The following PSD4 variants were observed in gnomAD, a reference collection of about 807,000 sequenced individuals.
PSD4 encodes the protein pleckstrin and Sec7 domain containing 4.
PSD4 carries 59 observed loss-of-function variants against 112.5 expected under a neutral mutation model. The observed-to-expected ratio is 0.52, with a 90% CI of 0.43 to 0.65. PSD4 has a LOEUF of 0.65. PSD4 is among the 30% of genes least tolerant of loss of function. PSD4 has a pLI of 0.00. For missense variants in PSD4, 1,267 were observed against 1,352.6 expected, an observed-to-expected ratio of 0.94 and a Z score of 0.99; for synonymous variants, 533 against 540.0, an observed-to-expected ratio of 0.99 and a Z score of 0.18.
At position 113,193,931 on chromosome 2, in the gene PSD4, C is replaced by T. The variant is rs745588455; in HGVS notation, c.2164C>T (p.Pro722Ser). The T allele has an allele frequency of 1.2e-6, 2 of 1,614,114 alleles. No individual in the cohort carries two copies. Among genetic ancestry groups the T allele is most frequent in the South Asian group, 2.2e-5 (2 of 91,092 alleles). The change falls in exon 10 of 17, where the codon CCC becomes TCC. Residue 722 changes from proline (P) to serine (S), a missense_variant. Physicochemically the swap from Pro to Ser is moderately conservative, Grantham distance 74 (BLOSUM62 -1). Around this residue, in one of 2 missense-constraint regions of PSD4, gnomAD observed 544 missense variants for 648.6 expected, o/e 0.84. Coordinates refer to ENST00000245796, the MANE Select transcript of PSD4 (RefSeq NM_012455.3). The part of the protein sequence containing the change: ...LNGLRDGGNF[P>S]KELLKALYWS... ...TGGGCTGAGGGATGGCGGGAACTTC[C>T]CCAAGGAGCTGCTGAAGGTATGTGC...
In PSD4 at chr2:113,185,407, T is replaced by C; in HGVS notation, c.1216T>C (p.Trp406Arg). The C allele has an allele frequency of 6.2e-7, 1 of 1,614,182 alleles. No individual in the cohort carries two copies. Among genetic ancestry groups the C allele is most frequent in the Middle Eastern group, 1.6e-4 (1 of 6,062 alleles). Residue 406 changes from tryptophan (W) to arginine (R), a missense_variant, in exon 4 of 17, where the codon TGG (tryptophan) becomes CGG (arginine). By Grantham distance (101) the Trp-to-Arg change is moderately radical (BLOSUM62 -3). Transcript: ENST00000245796. ...PEGWQRGGPF[W>R]PQVTLNSQDR... Reference sequence around the variant, plus strand: ...GGGCTGGCAGAGAGGAGGTCCTTTTTGGCCCCAGGTGACTCTTAACTCCCA... The same window carrying C: ...GGGCTGGCAGAGAGGAGGTCCTTTTCGGCCCCAGGTGACTCTTAACTCCCA...
rs768126233 is a variant in PSD4, at chr2:113,184,991, C to T, written c.1091C>T (p.Pro364Leu). 2.2e-5 allele frequency: 35 copies of T among 1,614,118 alleles called. No individual in the cohort carries two copies. Among genetic ancestry groups the T allele is most frequent in the Non-Finnish European group, 2.5e-5 (30 of 1,180,040 alleles). ...CTTGGTCCTGCTCCATCTGCAGCAC[C>T]GTGTGTGGACGAAGCATTGACCTGG... is the stretch of plus-strand genomic sequence containing the variant. Reference protein sequence around the residue: ...DRLGPAPSAAPCVDEALTWES... With the variant: ...DRLGPAPSAALCVDEALTWES... Residue 364 changes from proline (P) to leucine (L), a missense_variant, in exon 3 of 17, where the codon CCG becomes CTG. By Grantham distance (98) the Pro-to-Leu change is moderately conservative. This residue lies in a region of PSD4 where 723 missense variants were observed against 704.0 expected (regional missense o/e 1.03). Coordinates refer to ENST00000245796, the MANE Select transcript of PSD4 (RefSeq NM_012455.3).
intron 6 of PSD4, 66 bp downstream of exon 6, chr2:113,192,655 T>C (rs1379535607): frequency 1.3e-6 from 2 of 1,530,294 alleles, no homozygotes; most frequent in African/African-American, 1.4e-5. Context: ...GCTGAAGGGC[T>C]CCCTCCACTG....
chr2:113,192,395 A>T lies in PSD4; in HGVS notation c.1644A>T (p.Thr548=), dbSNP rs1688467167. 1.9e-6 allele frequency: 3 copies of T among 1,614,044 alleles called. No homozygotes were observed. The highest frequency in any genetic ancestry group is 2.5e-6 in the Non-Finnish European group (3 of 1,179,998). The change falls in exon 6 of 17, where the codon ACA becomes ACT. Residue 548 remains threonine, a synonymous_variant. Transcript: ENST00000245796. ...LTSAEHENLR[T]PMNSSWLPGS... Reference sequence around the variant, plus strand: ...CTATCTCAAGTGAGAATCTGAGGACACCGATGAACTCTTCTTGGCTTCCTG... The same window carrying T: ...CTATCTCAAGTGAGAATCTGAGGACTCCGATGAACTCTTCTTGGCTTCCTG...
intron 5 of PSD4, among the ~76,000 whole-genome samples, chr2:113,186,626 A>G (rs1688308076): frequency 6.6e-6 from 1 of 152,208 alleles, no homozygotes; most frequent in African/African-American, 2.4e-5. Context: ...GGGAAGTGCA[A>G]GGTCAGAGCT....
chr2:113,193,758 G>GT (rs1688523134), intron 9 of PSD4, 101 bp from the exon 10 acceptor site: 1 of 1,554,752 alleles, frequency 6.4e-7, no homozygotes, highest in African/African-American at 1.4e-5. Context: ...TGAGGGATGT[G>GT]GGCCTGGGGA....
chr2:113,195,309 C>T (rs1280140657), intron 10 of PSD4, among the ~76,000 whole-genome samples: 2 of 152,014 alleles, frequency 1.3e-5, no homozygotes, highest in Non-Finnish European at 2.9e-5. Flanking sequence ...TACAGGTGTG[C>T]ACCACCACGC....
Position 113,186,069 on chromosome 2 carries a change from C to A in PSD4, c.1442C>A (p.Pro481His). The A allele has an allele frequency of 2.5e-6, 4 of 1,614,190 alleles. No homozygotes were observed. The highest frequency in any genetic ancestry group is 3.4e-6 in the Non-Finnish European group (4 of 1,180,042). ...QLQHHSSGILPKWTLDASQSS... is the reference protein window; with the variant it reads ...QLQHHSSGILHKWTLDASQSS... The stretch of plus-strand genomic sequence containing the variant: ...CAACACCACAGCTCAGGCATTTTGC[C>A]CAAGTGGACACTAGATGCTTCACAG... Residue 481 changes from proline to histidine, a missense_variant, in exon 5 of 17, where the codon CCC (proline) becomes CAC (histidine). This residue lies in a region of PSD4 where 723 missense variants were observed against 704.0 expected (regional missense o/e 1.03). Transcript: ENST00000245796.
rs2104513761 is a variant in PSD4, at chr2:113,205,764, A to G, written c.*4349A>G. On this transcript the variant is annotated 3_prime_UTR_variant, in exon 17 of 17. Coordinates refer to ENST00000245796, the MANE Select transcript of PSD4 (RefSeq NM_012455.3). ...ATTATTTCAAAATAAATACAAAAAG[A>G]AAAAAAGGCAATATCCCAGAACCTT... 1 of 152,352 alleles carries G rather than the reference A, an allele frequency of 6.6e-6. No individual in the cohort carries two copies. Among genetic ancestry groups the G allele is most frequent in the South Asian group, 2.1e-4 (1 of 4,830 alleles). The allele number at this position is 152,352 out of a possible 1,614,324, so 9.4% of individuals were successfully genotyped here. A position where few individuals can be genotyped will look rare whatever the true frequency, so the allele number is the denominator to read the frequency against.
chr2:113,196,210 C>T lies in PSD4; in HGVS notation c.2289C>T (p.Ser763=). Residue 763 remains serine, a synonymous_variant, in exon 12 of 17, where the codon AGC becomes AGT. Coordinates refer to ENST00000245796, the MANE Select transcript of PSD4 (RefSeq NM_012455.3). ...CGTCCCTGCCAGCTGGCAAGATGAG[C>T]AAGCCCTTCCTTCAGCTGGCTCAGG... ...AQPSLPAGKM[S]KPFLQLAQDP... is the part of the protein sequence containing the mutation. 6.2e-7 allele frequency: 1 copy of T among 1,614,124 alleles called. No homozygotes were observed. Among genetic ancestry groups the T allele is most frequent in the Non-Finnish European group, 8.5e-7 (1 of 1,179,946 alleles).
At chr2:113,186,883 A>C (rs4849168) in intron 5 of PSD4, among the ~76,000 whole-genome samples, 68,951 of 151,998 alleles carry the variant, frequency 0.45, 15,914 homozygotes, top group East Asian at 0.62. Flanking sequence ...TCAAGACTAT[A>C]TGCCCCTGGG....
rs754608729 is a variant in PSD4, at chr2:113,192,578, C to T, written c.1827C>T (p.Tyr609=). The change falls in exon 6 of 17, where the codon TAC becomes TAT. Residue 609 remains tyrosine, a synonymous_variant. Transcript: ENST00000245796. ...EGFRKSEVAA[Y]LQKNNDFSRA... ...TCCGGAAGTCTGAAGTGGCTGCCTA[C>T]CTGCAGAAGAAGTAAGGGGCTTTGA... 5 of 1,614,068 alleles carry T rather than the reference C, an allele frequency of 3.1e-6. No individual in the cohort carries two copies. In the East Asian group the frequency reaches 1.1e-4, roughly 36 times the overall value.
At chr2:113,179,722 A>T (rs1192499575) in intron 1 of PSD4, among the ~76,000 whole-genome samples, 2 of 152,182 alleles carry the variant, frequency 1.3e-5, no homozygotes, top group Non-Finnish European at 2.9e-5. Context: ...TGGTTCAAAC[A>T]TCTCTGATGA....
In PSD4 at chr2:113,202,142, T is replaced by G. The variant is rs912655802; in HGVS notation, c.*727T>G. The G allele has an allele frequency of 7.3e-6, 1 of 137,048 alleles. No homozygotes were observed. The highest frequency in any genetic ancestry group is 2.7e-5 in the African/African-American group (1 of 37,460). The allele number at this position is 137,048 out of a possible 1,614,324, so 8.5% of individuals were successfully genotyped here. ...ACAGTCTCACATACCCAACTGCTCA[T>G]CAACAGAGCAGAGCTGATGGCATGA... On this transcript the variant is annotated 3_prime_UTR_variant, in exon 17 of 17. Transcript: ENST00000245796.
In PSD4 at chr2:113,199,190, G is replaced by A. The variant is rs1573379167; in HGVS notation, c.2877G>A (p.Glu959=). Residue 959 remains glutamate, a synonymous_variant, in exon 16 of 17, where the codon GAG becomes GAA. Coordinates refer to ENST00000245796, the MANE Select transcript of PSD4 (RefSeq NM_012455.3). ...PERRGRGREL[E]EHRLRKEYLE... ...GGCGGGGCCGTGGCCGCGAGCTGGA[G>A]GAGCACCGCCTGCGGAAGGAGTACC... The A allele has an allele frequency of 3.3e-6, 5 of 1,521,502 alleles. No individual in the cohort carries two copies. Among genetic ancestry groups the A allele is most frequent in the East Asian group, 2.7e-5 (1 of 37,580 alleles). The allele number at this position is 1,521,502 out of a possible 1,614,324, so 94.3% of individuals were successfully genotyped here.
intron 5 of PSD4, among the ~76,000 whole-genome samples, chr2:113,190,859 G>A (rs45536633): frequency 0.1 from 15,913 of 152,250 alleles, 948 homozygotes; most frequent in Non-Finnish European, 0.14. Flanking sequence ...TTAAATTTTA[G>A]GCATTGTGTT....
At chr2:113,175,888 A>G (rs2104488178) in intron 1 of PSD4, among the ~76,000 whole-genome samples, 1 of 152,370 alleles carries the variant, frequency 6.6e-6, no homozygotes, top group South Asian at 2.1e-4. Flanking sequence ...GGCCAGGCCC[A>G]GCACTCAGAC....
chr2:113,195,777 G>A lies in PSD4; in HGVS notation c.2225+7G>A, dbSNP rs775852871. Reference sequence around the variant, plus strand: ...AGAAGCTCGAGTGGGCCGTGTGAGTGAGACTCCCTTTCCCCTCTCCCTCTC... The same window carrying A: ...AGAAGCTCGAGTGGGCCGTGTGAGTAAGACTCCCTTTCCCCTCTCCCTCTC... On this transcript the variant is annotated splice_region_variant and intron_variant, in intron 11 of 16. Coordinates refer to ENST00000245796, the MANE Select transcript of PSD4 (RefSeq NM_012455.3). The A allele has an allele frequency of 3.1e-6, 5 of 1,614,154 alleles. No homozygotes were observed. Among genetic ancestry groups the A allele is most frequent in the African/African-American group, 1.3e-5 (1 of 75,038 alleles).
rs1688799841 is a variant in PSD4 at position 113,202,450 on chromosome 2, ACCTT to A, written c.*1043_*1046del. The A allele has an allele frequency of 6.6e-6, 1 of 152,358 alleles. No individual in the cohort carries two copies. Among genetic ancestry groups the A allele is most frequent in the South Asian group, 2.1e-4 (1 of 4,830 alleles). 9.4% of individuals were successfully genotyped at this position (152,358 alleles called of 1,614,324 possible). On this transcript the variant is annotated 3_prime_UTR_variant, in exon 17 of 17. Transcript: ENST00000245796. Reference sequence around the variant, plus strand: ...GTGCTCCTTTCTACACATGCCTTAAACCTTCCTTCCTGTGGGGTGCCTGGACCCC... The same window carrying A: ...GTGCTCCTTTCTACACATGCCTTAAACCTTCCTGTGGGGTGCCTGGACCCC...
Sources: gnomAD v4.1 joint callset for allele counts (sites outside exome capture counted in the v4.1 genomes callset) on GRCh38, gnomAD v4.1.1 for gene constraint, gnomAD v4.1.1 regional missense constraint, MANE v1.5 for transcripts, NCBI Gene and HGNC (gene_info 2026-07-23, HGNC 2026-07-21) for gene names.